The following WDR17 variants were observed in gnomAD, a reference collection of about 807,000 sequenced individuals.
WDR17 encodes the protein WD repeat-containing protein 17.
A neutral mutation model predicts 161.7 loss-of-function variants in WDR17; 143 were observed. The ratio of observed to expected loss-of-function variants is 0.88; its 90% CI spans 0.77 to 1.02. WDR17 has a LOEUF of 1.02. Ranked by LOEUF, WDR17 falls within the 50% of genes least tolerant of loss-of-function variation. The pLI is 0.00. For synonymous variants in WDR17, 517 were observed against 515.6 expected, an observed-to-expected ratio of 1.00 and a Z score of -0.04; for missense variants, 1,469 against 1,520.9, an observed-to-expected ratio of 0.97 and a Z score of 0.57.
At chr4:176,120,321 A>ATATATATAT (rs1561130376) in intron 4 of WDR17, among the ~76,000 whole-genome samples, 19 of 134,870 alleles carry the variant, frequency 1.4e-4, no homozygotes, top group African/African-American at 5.2e-4. Context: ...TATATATATA[A>ATATATATAT]TACATTCAAC....
intron 20 of WDR17, among the ~76,000 whole-genome samples, chr4:176,161,553 T>A (rs1749039833): frequency 6.6e-6 from 1 of 152,144 alleles, no homozygotes; most frequent in Non-Finnish European, 1.5e-5. Context: ...TTGCTCCTAT[T>A]ATTAAGCTAG....
At chr4:176,081,582 G>A (rs768865690) in intron 1 of WDR17, among the ~76,000 whole-genome samples, 16 of 152,108 alleles carry the variant, frequency 1.1e-4, no homozygotes, top group Non-Finnish European at 1.9e-4. Context: ...CAGAAAATCA[G>A]TAACTAAAAC....
At chr4:176,090,509 CATT>C in intron 1 of WDR17, among the ~76,000 whole-genome samples, 1 of 152,248 alleles carries the variant, frequency 6.6e-6, no homozygotes, top group South Asian at 2.1e-4. Flanking sequence ...AGACAGGTCA[CATT>C]ATTCTAGTCA....
At chr4:176,072,139 A>G (rs1202295964) in intron 1 of WDR17, among the ~76,000 whole-genome samples, 1 of 152,212 alleles carries the variant, frequency 6.6e-6, no homozygotes, top group Non-Finnish European at 1.5e-5. Flanking sequence ...TTTGACATAT[A>G]TTGGGAATGC....
chr4:176,087,701 G>T (rs1442444225), intron 1 of WDR17, among the ~76,000 whole-genome samples: 1 of 151,392 alleles, frequency 6.6e-6, no homozygotes, highest in African/African-American at 2.4e-5. Context: ...ATTGATTTTG[G>T]CCTATACCAT....
At chr4:176,114,826 G>A (rs550421091) in intron 2 of WDR17, among the ~76,000 whole-genome samples, 184 of 151,682 alleles carry the variant, frequency 1.2e-3, no homozygotes, top group Admixed American at 2.5e-3. Context: ...GACCTCAGTA[G>A]GAGAATGAAT....
At position 176,151,843 on chromosome 4, in the gene WDR17, T is replaced by G. The variant is rs987221033; in HGVS notation, c.2336T>G (p.Met779Arg). Residue 779 changes from methionine to arginine, a missense_variant, in exon 17 of 29, where the codon ATG becomes AGG. By Grantham distance (91) the Met-to-Arg change is moderately conservative (BLOSUM62 -1). Coordinates refer to ENST00000508596, the MANE Select transcript of WDR17 (RefSeq NM_181265.4). ...SEAQELTTVK[M>R]SKFGGGIGVP... ...GCTCAAGAACTAACAACAGTCAAGATGTCTAAATTTGGTGGTGGTATTGGT... is the reference window on the plus strand; with the variant it reads ...GCTCAAGAACTAACAACAGTCAAGAGGTCTAAATTTGGTGGTGGTATTGGT... 1 of 1,604,052 alleles carries G rather than the reference T, an allele frequency of 6.2e-7. No individual in the cohort carries two copies. The highest frequency in any genetic ancestry group is 1.3e-5 in the African/African-American group (1 of 74,384).
rs778101470 is a variant in WDR17, at chr4:176,160,943, T to C, written c.2691T>C (p.His897=). The C allele has an allele frequency of 8.7e-6, 14 of 1,609,528 alleles. No individual in the cohort carries two copies. The highest frequency in any genetic ancestry group is 2.2e-5 in the East Asian group (1 of 44,768). ...AACEGNMQPL[H]VSVPKGASYS... ...GTGAAGGAAATATGCAGCCCTTACATGTTTCCGTGCCTAAAGGAGCTTCAT... is the reference window on the plus strand; with the variant it reads ...GTGAAGGAAATATGCAGCCCTTACACGTTTCCGTGCCTAAAGGAGCTTCAT... Residue 897 remains histidine, a synonymous_variant, in exon 20 of 29, where the codon CAT becomes CAC. Transcript: ENST00000508596.
At chr4:176,083,402 G>T (rs1455287690) in intron 1 of WDR17, among the ~76,000 whole-genome samples, 1 of 151,944 alleles carries the variant, frequency 6.6e-6, no homozygotes, top group Non-Finnish European at 1.5e-5. Context: ...CCACCACCAA[G>T]GATACCACTA....
At chr4:176,095,761 C>A (rs947567208) in intron 1 of WDR17, among the ~76,000 whole-genome samples, 3 of 152,008 alleles carry the variant, frequency 2.0e-5, no homozygotes, top group African/African-American at 7.2e-5. Flanking sequence ...AAGAAAAGAT[C>A]GCTTAGAACC....
At chr4:176,174,565 G>A in intron 25 of WDR17, 52 bp from the exon 26 acceptor site, 1 of 1,340,302 alleles carries the variant, frequency 7.5e-7, no homozygotes. Flanking sequence ...TCAGAGTAAT[G>A]TTCTATGCCT....
chr4:176,158,634 T>C (rs943578172), intron 18 of WDR17, among the ~76,000 whole-genome samples: 1 of 152,194 alleles, frequency 6.6e-6, no homozygotes, highest in Non-Finnish European at 1.5e-5. Context: ...ACATGGAGGT[T>C]ATTGTTGATC....
In WDR17 at chr4:176,120,084, A is replaced by C; in HGVS notation, c.525A>C (p.Ser175=). 1 of 1,613,200 alleles carries C rather than the reference A, an allele frequency of 6.2e-7. No homozygotes were observed. Among genetic ancestry groups the C allele is most frequent in the Non-Finnish European group, 8.5e-7 (1 of 1,179,374 alleles). Residue 175 remains serine, a synonymous_variant, in exon 4 of 29, where the codon TCA becomes TCC. Transcript: ENST00000508596. ...VVFGHIDGSL[S]IFHPGNKNQK... ...TTGGTCATATTGATGGAAGTCTATC[A>C]ATTTTTCATCCAGGTAAGAATTTAA... is the stretch of plus-strand genomic sequence containing the variant.
chr4:176,156,095 C>A lies in WDR17; in HGVS notation c.2477C>A (p.Ser826Ter). ...VELGEWDKAL[S>*]IAPGVSVKYW... is the part of the protein sequence containing the mutation. ...CTATTGTAGTGGGACAAAGCCCTGTCAATTGCACCAGGAGTCTCTGTGAAA... is the reference window on the plus strand; with the variant it reads ...CTATTGTAGTGGGACAAAGCCCTGTAAATTGCACCAGGAGTCTCTGTGAAA... The change falls in exon 18 of 29, where the codon TCA (serine) becomes TAA (stop). Residue 826 changes from serine to a stop codon, truncating the protein, a stop_gained. Coordinates refer to ENST00000508596, the MANE Select transcript of WDR17 (RefSeq NM_181265.4). LOFTEE classifies it high-confidence loss of function. The A allele has an allele frequency of 1.2e-6, 2 of 1,613,598 alleles. No individual in the cohort carries two copies. The highest frequency in any genetic ancestry group is 1.1e-5 in the South Asian group (1 of 91,028).
At chr4:176,115,606 T>A (rs894364833) in intron 2 of WDR17, among the ~76,000 whole-genome samples, 190 bp from the exon 3 acceptor site, 1 of 151,790 alleles carries the variant, frequency 6.6e-6, no homozygotes, top group Non-Finnish European at 1.5e-5. Flanking sequence ...TTTTTAATGT[T>A]TTTTTTTAGC....
intron 7 of WDR17, among the ~76,000 whole-genome samples, chr4:176,133,734 A>G (rs943162433): frequency 5.3e-5 from 8 of 151,594 alleles, no homozygotes; most frequent in Non-Finnish European, 1.2e-4. Context: ...TCCAGATTAC[A>G]TAGGATGAGA....
intron 12 of WDR17, among the ~76,000 whole-genome samples, chr4:176,147,473 CCAA>C (rs1321457272): frequency 6.6e-6 from 1 of 152,006 alleles, no homozygotes; most frequent in African/African-American, 2.4e-5. Flanking sequence ...TCTACACTGA[CCAA>C]GCAACTTATA....
intron 23 of WDR17, 148 bp downstream of exon 23, chr4:176,168,931 A>T: frequency 6.4e-6 from 5 of 785,286 alleles, no homozygotes; most frequent in Non-Finnish European, 9.6e-6. Context: ...GTTGTACAAT[A>T]GGAAGTAACA....
At chr4:176,127,040 T>G (rs1284351442) in intron 5 of WDR17, among the ~76,000 whole-genome samples, 5 of 152,128 alleles carry the variant, frequency 3.3e-5, no homozygotes, top group African/African-American at 1.2e-4. Flanking sequence ...TTTATAGCAG[T>G]GTGAGAACAG....
Sources: gnomAD v4.1 joint callset for allele counts (sites outside exome capture counted in the v4.1 genomes callset) on GRCh38, gnomAD v4.1.1 for gene constraint, MANE v1.5 for transcripts, NCBI Gene and HGNC (gene_info 2026-07-23, HGNC 2026-07-21) for gene names.